The following CDC14A variants were observed in gnomAD, a reference collection of about 807,000 sequenced individuals.
CDC14A encodes the protein dual specificity protein phosphatase CDC14A.
Under a neutral mutation model 74.4 loss-of-function variants are expected in CDC14A, and 53 were observed. The ratio of observed to expected loss-of-function variants is 0.71; its 90% CI spans 0.57 to 0.89. The LOEUF is 0.89. Ranked by LOEUF, CDC14A falls within the 40% of genes least tolerant of loss-of-function variation. The pLI is 0.00. For missense variants in CDC14A, 646 were observed against 713.7 expected (o/e 0.91, Z 1.08); for synonymous variants, 247 against 258.4 (o/e 0.96, Z 0.43).
chr1:100,352,865 T>C lies in CDC14A; in HGVS notation c.-90T>C. On this transcript the variant is annotated 5_prime_UTR_variant, in exon 1 of 16. Transcript: ENST00000336454. ...GGCTTGTTGTTCGGGACTGTGAGCT[T>C]CCTGGCTCCTGGGCAGTGGGGAAGC... 1 of 1,601,020 alleles carries C rather than the reference T, an allele frequency of 6.2e-7. No individual in the cohort carries two copies. Among genetic ancestry groups the C allele is most frequent in the Non-Finnish European group, 8.5e-7 (1 of 1,174,750 alleles).
At chr1:100,426,862 C>A (rs1052465429) in intron 5 of CDC14A, among the ~76,000 whole-genome samples, 1 of 152,150 alleles carries the variant, frequency 6.6e-6, no homozygotes, top group East Asian at 1.9e-4. Flanking sequence ...ATTTCTAAAT[C>A]TAGAATCTTC....
intron 4 of CDC14A, among the ~76,000 whole-genome samples, chr1:100,397,143 C>T (rs1448741611): frequency 6.6e-6 from 1 of 151,836 alleles, no homozygotes; most frequent in Non-Finnish European, 1.5e-5. Context: ...AATGATTAGA[C>T]ACCCTGATAT....
At chr1:100,373,895 C>T (rs1654848518) in intron 2 of CDC14A, among the ~76,000 whole-genome samples, 1 of 151,958 alleles carries the variant, frequency 6.6e-6, no homozygotes, top group Non-Finnish European at 1.5e-5. Flanking sequence ...TGCTGGTGTG[C>T]TGCACCCATT....
chr1:100,459,131 A>T (rs1322352696), intron 8 of CDC14A, among the ~76,000 whole-genome samples: 1 of 124,348 alleles, frequency 8.0e-6, no homozygotes, highest in Non-Finnish European at 1.8e-5. Flanking sequence ...ACACACAGAG[A>T]GAGAGAGAGA....
chr1:100,370,361 A>G (rs765893508), intron 2 of CDC14A, among the ~76,000 whole-genome samples: 15 of 151,778 alleles, frequency 9.9e-5, no homozygotes, highest in Non-Finnish European at 1.3e-4. Context: ...AGCTCAAGCA[A>G]TCCTCACACT....
At chr1:100,402,133 A>G (rs537401002) in intron 4 of CDC14A, among the ~76,000 whole-genome samples, 1 of 150,974 alleles carries the variant, frequency 6.6e-6, no homozygotes, top group East Asian at 2.0e-4. Context: ...GCATGCATTC[A>G]TTATGAAAAA....
At chr1:100,409,270 C>T (rs552793589) in intron 4 of CDC14A, among the ~76,000 whole-genome samples, 1 of 152,286 alleles carries the variant, frequency 6.6e-6, no homozygotes, top group Non-Finnish European at 1.5e-5. Context: ...AGACACCTCC[C>T]ATCGGGTCCC....
intron 4 of CDC14A, chr1:100,391,109 T>A: frequency 2.5e-6 from 1 of 407,140 alleles, no homozygotes; most frequent in South Asian, 2.2e-5. Flanking sequence ...CCAAGGACAT[T>A]TCTAGGAAAA....
intron 10 of CDC14A, among the ~76,000 whole-genome samples, chr1:100,469,196 A>G (rs1571273086): frequency 6.6e-6 from 1 of 152,358 alleles, no homozygotes; most frequent in South Asian, 2.1e-4. Context: ...TCATAGGAAG[A>G]TGCCATAAGT....
chr1:100,415,017 G>A (rs985848116), intron 4 of CDC14A, among the ~76,000 whole-genome samples: 7 of 152,166 alleles, frequency 4.6e-5, no homozygotes, highest in Non-Finnish European at 7.4e-5. Flanking sequence ...CAGAAGAGAA[G>A]CATTGTGTCA....
At chr1:100,486,508 G>T (rs888649688) in intron 11 of CDC14A, among the ~76,000 whole-genome samples, 1 of 152,206 alleles carries the variant, frequency 6.6e-6, no homozygotes, top group Non-Finnish European at 1.5e-5. Context: ...CGGTTCTGCA[G>T]GTTGGGAAAT....
intron 3 of CDC14A, among the ~76,000 whole-genome samples, chr1:100,380,152 G>A (rs1419886072): frequency 2.6e-5 from 4 of 152,260 alleles, no homozygotes; most frequent in Non-Finnish European, 2.9e-5. Flanking sequence ...CTACAAAATC[G>A]ATGAACACCT....
At chr1:100,451,096 G>A (rs920555142) in intron 7 of CDC14A, among the ~76,000 whole-genome samples, 1 of 152,134 alleles carries the variant, frequency 6.6e-6, no homozygotes, top group Admixed American at 6.5e-5. Context: ...GGTTCTTGAG[G>A]ACCTCATGAT....
intron 6 of CDC14A, among the ~76,000 whole-genome samples, chr1:100,442,394 T>C (rs1461173508): frequency 6.8e-6 from 1 of 146,764 alleles, no homozygotes; most frequent in East Asian, 1.9e-4. Flanking sequence ...ATATATTATA[T>C]ATAAATATAT....
upstream of CDC14A, among the ~76,000 whole-genome samples, chr1:100,352,284 G>T (rs1185434614): frequency 6.6e-6 from 1 of 152,182 alleles, no homozygotes; most frequent in African/African-American, 2.4e-5. Flanking sequence ...ATTGGTGGAC[G>T]GCAACAAAGC....
At chr1:100,476,176 G>A (rs1668875394) in intron 10 of CDC14A, among the ~76,000 whole-genome samples, 1 of 152,196 alleles carries the variant, frequency 6.6e-6, no homozygotes, top group Non-Finnish European at 1.5e-5. Flanking sequence ...CTCTGGGCTG[G>A]GCACGGTGGC....
In CDC14A at chr1:100,352,767, A is replaced by G. The variant is rs564802886; in HGVS notation, c.-188A>G. On this transcript the variant is annotated 5_prime_UTR_variant, in exon 1 of 16. An upstream start codon of the reference 5' UTR is lost. Coordinates refer to ENST00000336454, the MANE Select transcript of CDC14A (RefSeq NM_003672.4). ...GGAGCGAGCTCGGGTTCCCCTCGGA[A>G]TGTCCCCGGGGCGCCCGGCGCGCTG... 137 of 1,409,726 alleles carry G rather than the reference A, an allele frequency of 9.7e-5. 4 individuals carry two copies. The South Asian group carries it at 1.9e-3, about 20-fold the overall frequency. The allele number at this position is 1,409,726 out of a possible 1,614,324, so 87.3% of individuals were successfully genotyped here. A position where few individuals can be genotyped will look rare whatever the true frequency, so the allele number is the denominator to read the frequency against.
chr1:100,353,673 A>T, intron 1 of CDC14A, 89 bp from the exon 2 acceptor site: 1 of 701,656 alleles, frequency 1.4e-6, no homozygotes, highest in Non-Finnish European at 2.5e-6. Context: ...GGGTCTTTAA[A>T]TTGTGATCCT....
chr1:100,348,332 T>C (rs1242002956), upstream of CDC14A, among the ~76,000 whole-genome samples: 1 of 151,132 alleles, frequency 6.6e-6, no homozygotes, highest in Non-Finnish European at 1.5e-5. Context: ...AGCTAAATGA[T>C]AAAATTTAAT....
Sources: gnomAD v4.1 joint callset for allele counts (sites outside exome capture counted in the v4.1 genomes callset) on GRCh38, gnomAD v4.1.1 for gene constraint, MANE v1.5 for transcripts, NCBI Gene and HGNC (gene_info 2026-07-23, HGNC 2026-07-21) for gene names.